ALOX5: variants seen among roughly 807,000 people sequenced by gnomAD.
ALOX5 encodes polyunsaturated fatty acid 5-lipoxygenase.
In ALOX5, 64 loss-of-function variants were observed where a neutral mutation model predicts 87.9. The ratio of observed to expected loss-of-function variants is 0.73; its 90% confidence interval spans 0.60 to 0.90. The LOEUF (loss-of-function observed/expected upper bound fraction) is 0.90. Ranked by LOEUF, ALOX5 falls within the 40% of genes least tolerant of loss-of-function variation. ALOX5 has a pLI of 0.00. For synonymous variants in ALOX5, 388 were observed against 355.1 expected (o/e 1.09, Z -1.04); for missense variants, 822 against 907.5 (o/e 0.91, Z 1.21).
chr10:45,443,112 G>C lies in ALOX5; in HGVS notation c.1347G>C (p.Leu449=). 6.2e-7 allele frequency: 1 copy of C among 1,613,798 alleles called. No homozygotes were observed. The highest frequency in any genetic ancestry group is 1.1e-5 in the South Asian group (1 of 91,090). The change falls in exon 10 of 14, where the codon CTG becomes CTC. Residue 449 remains leucine, a synonymous_variant. Coordinates refer to ENST00000374391, the MANE Select transcript of ALOX5 (RefSeq NM_000698.5). The part of the protein sequence containing the change: ...RAMKDLTYAS[L]CFPEAIKARG... ...TGAAGGACCTGACCTATGCCTCCCT[G>C]TGCTTTCCCGAGGCCATCAAGGCCC...
chr10:45,425,400 G>A lies in ALOX5; in HGVS notation c.834+268G>A, dbSNP rs768429070. ...CATAATGTCAATATTTTCACTATCA[G>A]TATCAATAATTACAGGAGCTACCCT... On this transcript the variant is annotated intron_variant, in intron 6 of 13. Transcript: ENST00000374391. This position sits in a 1 kb window ranked among gnomAD's most constrained non-coding sequence, Gnocchi z 4.4. Among the ~76,000 whole-genome samples, 1 of 152,162 alleles carries A rather than the reference G, an allele frequency of 6.6e-6. No individual in the cohort carries two copies. The highest frequency in any genetic ancestry group is 2.1e-4 in the South Asian group (1 of 4,820).
At chr10:45,433,602 C>T (rs1841977762) in intron 7 of ALOX5, among the ~76,000 whole-genome samples, 1 of 152,054 alleles carries the variant, frequency 6.6e-6, no homozygotes, top group Non-Finnish European at 1.5e-5. Flanking sequence ...AGTTAACAGG[C>T]AAAATCATTA....
chr10:45,387,348 G>C (rs1250412596), intron 2 of ALOX5, among the ~76,000 whole-genome samples: 4 of 152,184 alleles, frequency 2.6e-5, no homozygotes, highest in Non-Finnish European at 4.4e-5. Flanking sequence ...AATGGACTTA[G>C]AAACATAAGA....
chr10:45,445,691 C>T lies in ALOX5; in HGVS notation c.*4C>T. On this transcript the variant is annotated 3_prime_UTR_variant, in exon 14 of 14. Transcript: ENST00000374391. Reference sequence around the variant, plus strand: ...TCCGAACAGTGTGGCCATCTGAGCACACTGCCAGTCTCACTGTGGGAAGGC... The same window carrying T: ...TCCGAACAGTGTGGCCATCTGAGCATACTGCCAGTCTCACTGTGGGAAGGC... 2 of 1,601,518 alleles carry T rather than the reference C, an allele frequency of 1.2e-6. No individual in the cohort carries two copies. The highest frequency in any genetic ancestry group is 1.7e-6 in the Non-Finnish European group (2 of 1,170,014).
intron 1 of ALOX5, among the ~76,000 whole-genome samples, chr10:45,380,015 G>A (rs973691505): frequency 2.6e-5 from 4 of 152,106 alleles, no homozygotes; most frequent in African/African-American, 2.4e-5. Context: ...CAGGCCCGAC[G>A]CGTATCCAGT....
intron 4 of ALOX5, among the ~76,000 whole-genome samples, chr10:45,423,080 C>T (rs1381417246): frequency 6.6e-6 from 1 of 152,222 alleles, no homozygotes; most frequent in Non-Finnish European, 1.5e-5. Flanking sequence ...AATGCCATCA[C>T]ACTGGGGGTC....
chr10:45,413,215 C>T (rs1260614674), intron 4 of ALOX5, among the ~76,000 whole-genome samples: 2 of 152,268 alleles, frequency 1.3e-5, no homozygotes, highest in Admixed American at 1.3e-4. Context: ...CAAACCGAAT[C>T]CAGCAGTACA....
At chr10:45,427,568 G>T (rs1374522395) in intron 6 of ALOX5, among the ~76,000 whole-genome samples, 2 of 152,252 alleles carry the variant, frequency 1.3e-5, no homozygotes, top group East Asian at 3.8e-4. Context: ...CTGCGCGCGG[G>T]CGCGGTCGGT....
intron 7 of ALOX5, among the ~76,000 whole-genome samples, chr10:45,437,521 G>A (rs1251148381): frequency 6.6e-6 from 1 of 151,990 alleles, no homozygotes; most frequent in Non-Finnish European, 1.5e-5. Context: ...TTTTTGTTAA[G>A]CCCTATCATA....
In ALOX5 at chr10:45,445,617, G is replaced by A. The variant is rs760835318; in HGVS notation, c.1955G>A (p.Arg652His). 56 of 1,614,006 alleles carry A rather than the reference G, an allele frequency of 3.5e-5. No homozygotes were observed. Among genetic ancestry groups the A allele is most frequent in the Admixed American group, 5.0e-5 (3 of 59,994 alleles). ...GCCATTGTCAGCGTGATTGCTGAGC[G>A]CAACAAGAAGAAGCAGCTGCCATAT... ...LEAIVSVIAERNKKKQLPYYY... is the reference protein window; with the variant it reads ...LEAIVSVIAEHNKKKQLPYYY... Residue 652 changes from arginine (R) to histidine (H), a missense_variant, in exon 14 of 14, where the codon CGC becomes CAC. By Grantham distance (29) the Arg-to-His change is conservative (BLOSUM62 0). Transcript: ENST00000374391.
chr10:45,424,911 G>A, intron 5 of ALOX5, 49 bp from the exon 6 acceptor site: 1 of 1,603,604 alleles, frequency 6.2e-7, no homozygotes, highest in Non-Finnish European at 8.5e-7. Context: ...CATGGCCCTG[G>A]CTGCCCTCTA....
intron 5 of ALOX5, among the ~76,000 whole-genome samples, chr10:45,424,420 C>T (rs1841620357): frequency 6.6e-6 from 1 of 152,190 alleles, no homozygotes; most frequent in Non-Finnish European, 1.5e-5. Context: ...AGTATCAGAA[C>T]TTTTTCTTGG....
At chr10:45,443,922 C>G in intron 12 of ALOX5, 94 bp downstream of exon 12, 1 of 1,469,036 alleles carries the variant, frequency 6.8e-7, no homozygotes, top group East Asian at 2.5e-5. Context: ...CACCCTCGGA[C>G]AGCCTCGGGG....
chr10:45,440,902 G>C (rs1351069517), intron 8 of ALOX5, among the ~76,000 whole-genome samples: 2 of 152,238 alleles, frequency 1.3e-5, no homozygotes, highest in Non-Finnish European at 2.9e-5. Context: ...TGAGTTCATG[G>C]TGATCCTCGG....
At chr10:45,428,080 C>A (rs2279435) in intron 6 of ALOX5, among the ~76,000 whole-genome samples, 82,429 of 141,094 alleles carry the variant, frequency 0.58, 24,652 homozygotes, top group East Asian at 0.76. Context: ...TGGAGACCCC[C>A]CTCAACCCCT....
intron 3 of ALOX5, among the ~76,000 whole-genome samples, chr10:45,407,557 A>G (rs1840929229): frequency 6.6e-6 from 1 of 152,162 alleles, no homozygotes; most frequent in East Asian, 1.9e-4. Context: ...TAAAGGGAAA[A>G]GGGCGGGATA....
At chr10:45,438,598 G>A (rs1305951260) in intron 7 of ALOX5, among the ~76,000 whole-genome samples, 1 of 152,194 alleles carries the variant, frequency 6.6e-6, no homozygotes, top group Admixed American at 6.5e-5. Flanking sequence ...GAGCATGCCA[G>A]GCAGCCCAGC....
chr10:45,382,402 T>C lies in ALOX5; in HGVS notation c.151-81T>C. 2.7e-6 allele frequency: 4 copies of C among 1,487,004 alleles called. No individual in the cohort carries two copies. In the East Asian group the frequency reaches 6.8e-5, roughly 25 times the overall value. 92.1% of individuals were successfully genotyped at this position (1,487,004 alleles called of 1,614,324 possible). On this transcript the variant is annotated intron_variant, in intron 1 of 13. Coordinates refer to ENST00000374391, the MANE Select transcript of ALOX5 (RefSeq NM_000698.5). ...AGTCCCTGTGCCACAGCAGCATACC[T>C]TGGGGTGACAAATTCTTAACACCTC...
At chr10:45,419,626 T>C (rs945546483) in intron 4 of ALOX5, among the ~76,000 whole-genome samples, 1 of 152,228 alleles carries the variant, frequency 6.6e-6, no homozygotes, top group Non-Finnish European at 1.5e-5. Flanking sequence ...ACGCCTGTAA[T>C]CCCAGTGTTC....
Sources: gnomAD v4.1 joint callset for allele counts (sites outside exome capture counted in the v4.1 genomes callset) on GRCh38, gnomAD v4.1.1 for gene constraint, Gnocchi (gnomAD v3.1) non-coding constraint, MANE v1.5 for transcripts, NCBI Gene and HGNC (gene_info 2026-07-23, HGNC 2026-07-21) for gene names.